The following PABPC4L variants were observed in gnomAD, a reference collection of about 807,000 sequenced individuals.
PABPC4L encodes polyadenylate-binding protein 4-like.
For missense variants in PABPC4L, 452 were observed against 451.4 expected, an observed-to-expected ratio of 1.00 and a Z score of -0.01; for synonymous variants, 169 against 164.1, an observed-to-expected ratio of 1.03 and a Z score of -0.23.
At chr4:134,011,337 C>T in the PABPC4L span, among the ~76,000 whole-genome samples, 1 of 151,786 alleles carries the variant, frequency 6.6e-6, no homozygotes, top group Admixed American at 6.6e-5. Context: ...TTTTGAAAAT[C>T]ATAGAAAGTA....
At chr4:134,044,447 A>C in the PABPC4L span, among the ~76,000 whole-genome samples, 2 of 151,680 alleles carry the variant, frequency 1.3e-5, no homozygotes, top group African/African-American at 4.8e-5. Context: ...GTATTTTTTA[A>C]TAGAGACGGT....
the PABPC4L span, among the ~76,000 whole-genome samples, chr4:134,171,881 T>A: frequency 6.6e-6 from 1 of 151,834 alleles, no homozygotes; most frequent in African/African-American, 2.4e-5. Context: ...ACATCCAAGC[T>A]GACAGACAAA....
chr4:134,093,335 A>G, the PABPC4L span, among the ~76,000 whole-genome samples: 1 of 151,696 alleles, frequency 6.6e-6, no homozygotes, highest in African/African-American at 2.4e-5. Context: ...AGAGCAATAC[A>G]TTATCCTCTC....
the PABPC4L span, among the ~76,000 whole-genome samples, chr4:134,100,108 C>T: frequency 6.6e-6 from 1 of 151,608 alleles, no homozygotes; most frequent in East Asian, 1.9e-4. Flanking sequence ...TTTTGTTGTC[C>T]TTCAGAGATC....
chr4:134,176,272 A>C, the PABPC4L span, among the ~76,000 whole-genome samples: 1 of 152,018 alleles, frequency 6.6e-6, no homozygotes, highest in African/African-American at 2.4e-5. Flanking sequence ...ATTATAAGCT[A>C]TATTATTATT....
the PABPC4L span, among the ~76,000 whole-genome samples, chr4:134,100,791 G>A: frequency 6.6e-6 from 1 of 151,464 alleles, no homozygotes; most frequent in Non-Finnish European, 1.5e-5. Context: ...ATTTTTCTCT[G>A]AAAGATATCC....
the PABPC4L span, among the ~76,000 whole-genome samples, chr4:134,090,120 G>T: frequency 6.6e-6 from 1 of 151,996 alleles, no homozygotes; most frequent in East Asian, 1.9e-4. Context: ...ACTCAGATAA[G>T]ACATACTCAT....
At chr4:134,091,584 C>T in the PABPC4L span, among the ~76,000 whole-genome samples, 1 of 151,710 alleles carries the variant, frequency 6.6e-6, no homozygotes, top group Non-Finnish European at 1.5e-5. Context: ...AATGTAAATT[C>T]CTCTGATATT....
the PABPC4L span, among the ~76,000 whole-genome samples, chr4:134,152,791 T>G: frequency 6.6e-6 from 1 of 152,170 alleles, no homozygotes; most frequent in East Asian, 1.9e-4. Context: ...AAAAAGGTTT[T>G]ATTTGGCTGA....
the PABPC4L span, among the ~76,000 whole-genome samples, chr4:134,134,420 A>G: frequency 6.5e-3 from 987 of 152,132 alleles, 10 homozygotes; most frequent in African/African-American, 0.022. Context: ...TTAAAAACCA[A>G]TATAACAGAC....
the PABPC4L span, among the ~76,000 whole-genome samples, chr4:133,961,672 T>A: frequency 1.3e-5 from 2 of 152,114 alleles, no homozygotes; most frequent in African/African-American, 4.8e-5. Context: ...CACACTCTTC[T>A]GGTCTGTGTT....
the PABPC4L span, among the ~76,000 whole-genome samples, chr4:133,960,837 A>G: frequency 6.6e-6 from 1 of 152,092 alleles, no homozygotes; most frequent in African/African-American, 2.4e-5. Context: ...AGAGGCAGCC[A>G]TAATGCTCCT....
the PABPC4L span, among the ~76,000 whole-genome samples, chr4:134,082,519 T>A: frequency 6.6e-6 from 1 of 152,168 alleles, no homozygotes; most frequent in Admixed American, 6.5e-5. Flanking sequence ...GTTCTTATTA[T>A]GTCTATTAAA....
chr4:134,046,592 A>T, the PABPC4L span, among the ~76,000 whole-genome samples: 1 of 152,168 alleles, frequency 6.6e-6, no homozygotes, highest in Non-Finnish European at 1.5e-5. Flanking sequence ...GGGATGGTCC[A>T]GTCGTTCCCT....
At chr4:134,188,555 G>T in the PABPC4L span, among the ~76,000 whole-genome samples, 1 of 152,004 alleles carries the variant, frequency 6.6e-6, no homozygotes, top group East Asian at 1.9e-4. Context: ...CACTTTTGAA[G>T]AATAATCTTG....
chr4:134,079,577 T>TGAAA, the PABPC4L span, among the ~76,000 whole-genome samples: 1 of 23,504 alleles, frequency 4.3e-5, no homozygotes, highest in Non-Finnish European at 8.1e-5. Context: ...AGACTTCCTC[T>TGAAA]CAAAAAAAAA....
At chr4:134,131,512 AG>A in the PABPC4L span, among the ~76,000 whole-genome samples, 13 of 151,968 alleles carry the variant, frequency 8.6e-5, no homozygotes, top group Admixed American at 4.6e-4. Context: ...AGACCTCTAC[AG>A]GGACAACTAC....
chr4:134,039,780 G>A, the PABPC4L span, among the ~76,000 whole-genome samples: 1 of 151,904 alleles, frequency 6.6e-6, no homozygotes, highest in Non-Finnish European at 1.5e-5. Context: ...TATCTAATCT[G>A]CCAGTCTTTG....
chr4:134,123,117 T>C, the PABPC4L span, among the ~76,000 whole-genome samples: 3 of 151,978 alleles, frequency 2.0e-5, no homozygotes, highest in African/African-American at 7.2e-5. Context: ...TATAGACTTG[T>C]TTTATGTGTG....
Sources: allele counts gnomAD v4.1 joint callset (sites outside exome capture counted in the v4.1 genomes callset), GRCh38; gene constraint gnomAD v4.1.1; transcripts MANE v1.5; gene names NCBI Gene and HGNC (gene_info 2026-07-23, HGNC 2026-07-21).